The following CTNNA1 variants were observed in gnomAD, a reference collection of about 807,000 sequenced individuals.
CTNNA1 encodes catenin alpha 1, also known as catenin alpha-1.
Under a neutral mutation model 98.4 loss-of-function variants are expected in CTNNA1, and 37 were observed. The observed-to-expected ratio is 0.38, with a 90% CI of 0.29 to 0.49. CTNNA1 has a LOEUF of 0.49. Among genes scored for constraint, CTNNA1 ranks in the 20% least tolerant of loss-of-function variants. CTNNA1 has a pLI of 0.95. For missense variants in CTNNA1, 761 were observed against 1,147.2 expected (o/e 0.66, Z 4.86); for synonymous variants, 404 against 413.2 (o/e 0.98, Z 0.27).
chr5:138,776,679 C>T (rs1476438875), intron 1 of CTNNA1, among the ~76,000 whole-genome samples: 14 of 146,150 alleles, frequency 9.6e-5, no homozygotes, highest in South Asian at 4.4e-4. Context: ...GGGGGCTGAC[C>T]CCCCCACCTC....
Position 138,930,854 on chromosome 5 carries a change from A to G in CTNNA1, c.2217A>G (p.Thr739=), listed in dbSNP as rs963910441. The G allele has an allele frequency of 6.2e-7, 1 of 1,612,708 alleles. No individual in the cohort carries two copies. Among genetic ancestry groups the G allele is most frequent in the Non-Finnish European group, 8.5e-7 (1 of 1,178,716 alleles). The part of the protein sequence containing the change: ...FTRGKGPLKN[T]SDVISAAKKI... The stretch of plus-strand genomic sequence containing the variant: ...GAGGTAAAGGACCACTCAAAAATAC[A>G]TCGGATGTCATCAGTGCTGCCAAGA... The change falls in exon 16 of 18, where the codon ACA becomes ACG. Residue 739 remains threonine, a synonymous_variant. Coordinates refer to ENST00000302763, the MANE Select transcript of CTNNA1 (RefSeq NM_001903.5).
chr5:138,778,877 C>G (rs1042115413), intron 1 of CTNNA1, among the ~76,000 whole-genome samples: 1 of 151,580 alleles, frequency 6.6e-6, no homozygotes, highest in African/African-American at 2.4e-5. Flanking sequence ...GGATCTAGTT[C>G]AAAGTTACGT....
chr5:138,875,086 C>T, intron 7 of CTNNA1: 1 of 577,590 alleles, frequency 1.7e-6, no homozygotes, highest in Non-Finnish European at 3.0e-6. Flanking sequence ...TAGGATATCC[C>T]TCTGGAAAGC....
chr5:138,933,557 G>A (rs1181825537), intron 17 of CTNNA1, among the ~76,000 whole-genome samples: 1 of 152,240 alleles, frequency 6.6e-6, no homozygotes, highest in African/African-American at 2.4e-5. Flanking sequence ...AGGGGTGGGG[G>A]TGAGCAAGGC....
rs1450161592 is a variant in CTNNA1, at chr5:138,825,486, T to TTTTTTTTTTTTG, written c.858+698_858+699insGTTTTTTTTTTT. ...CAGTAGATGGCAGCAGTATAAGTTT[T>TTTTTTTTTTTTG]TTTTTTTTTTTTAGGGCTTTAAAAG... On this transcript the variant is annotated intron_variant, in intron 6 of 17. Coordinates refer to ENST00000302763, the MANE Select transcript of CTNNA1 (RefSeq NM_001903.5). Among the ~76,000 whole-genome samples, 6 of 100,462 alleles carry TTTTTTTTTTTTG rather than the reference T, an allele frequency of 6.0e-5. 1 individual carries two copies. The highest frequency in any genetic ancestry group is 8.3e-5 in the Non-Finnish European group (4 of 48,460). The allele number at this position is 100,462 out of a possible 152,430, so 65.9% of individuals were successfully genotyped here.
chr5:138,869,372 CTCT>C (rs1561614658), intron 7 of CTNNA1: 1 of 141,930 alleles, frequency 7.0e-6, no homozygotes, highest in Admixed American at 7.0e-5. Context: ...CTGTCTCTCT[CTCT>C]TTTTTTTTTT....
chr5:138,826,708 G>A (rs1443632214), intron 6 of CTNNA1, among the ~76,000 whole-genome samples: 1 of 152,200 alleles, frequency 6.6e-6, no homozygotes, highest in Non-Finnish European at 1.5e-5. Context: ...TTGATTAGAT[G>A]TGTAAGATGA....
intron 1 of CTNNA1, among the ~76,000 whole-genome samples, chr5:138,771,889 G>A (rs541061582): frequency 2.6e-5 from 4 of 152,064 alleles, no homozygotes; most frequent in African/African-American, 9.7e-5. Context: ...GCATTTAAAC[G>A]AACCATCCTA....
At chr5:138,782,494 T>G in intron 2 of CTNNA1, 1 of 288,692 alleles carries the variant, frequency 3.5e-6, no homozygotes, top group South Asian at 3.0e-5. Flanking sequence ...CTGTGTACTT[T>G]TAGTGTTTTA....
intron 6 of CTNNA1, among the ~76,000 whole-genome samples, chr5:138,826,564 G>C (rs566785222): frequency 6.6e-6 from 1 of 152,278 alleles, no homozygotes; most frequent in South Asian, 2.1e-4. Flanking sequence ...TCTTATTGGA[G>C]CAGTTCTTCC....
chr5:138,757,034 A>T (rs1454088056), intron 1 of CTNNA1, among the ~76,000 whole-genome samples: 1 of 135,054 alleles, frequency 7.4e-6, no homozygotes, highest in East Asian at 2.0e-4. Context: ...CCCCGCCTCT[A>T]AAAAAAAAAA....
intron 1 of CTNNA1, among the ~76,000 whole-genome samples, chr5:138,776,957 C>T (rs1715115104): frequency 6.8e-6 from 1 of 147,110 alleles, no homozygotes; most frequent in Admixed American, 6.8e-5. Flanking sequence ...GGCTGACTCC[C>T]CCACCTCCCT....
chr5:138,870,994 C>T (rs1294925681), intron 7 of CTNNA1: 1 of 152,078 alleles, frequency 6.6e-6, no homozygotes, highest in African/African-American at 2.4e-5. Flanking sequence ...AATCTGCCCA[C>T]CTTAAAAAAG....
chr5:138,902,785 G>A (rs1758358855), intron 9 of CTNNA1, among the ~76,000 whole-genome samples: 2 of 152,132 alleles, frequency 1.3e-5, no homozygotes, highest in African/African-American at 2.4e-5. Context: ...TTTTATGTTT[G>A]TTGTTCAAAA....
At chr5:138,863,787 T>C (rs1764496415) in intron 7 of CTNNA1, among the ~76,000 whole-genome samples, 1 of 152,158 alleles carries the variant, frequency 6.6e-6, no homozygotes, top group African/African-American at 2.4e-5. Context: ...CCAAAGAATT[T>C]GGAGACTAGG....
At chr5:138,825,924 C>G (rs997990263) in intron 6 of CTNNA1, among the ~76,000 whole-genome samples, 1 of 152,066 alleles carries the variant, frequency 6.6e-6, no homozygotes, top group Non-Finnish European at 1.5e-5. Context: ...AGGTATCTTT[C>G]AGGGTAGTAG....
intron 3 of CTNNA1, 40 bp from the exon 4 acceptor site, chr5:138,809,998 G>A: frequency 6.4e-7 from 1 of 1,567,856 alleles, no homozygotes; most frequent in African/African-American, 1.3e-5. Context: ...AGTTATTTGA[G>A]TTCATTCTTG....
In CTNNA1 at chr5:138,753,577, G is replaced by C. The variant is rs1327970717; in HGVS notation, c.-3+67G>C. ...CCAGGCCGAGAGGGTCCTTGGGCCG[G>C]GCCGTCCCAAGCTGGGCCCCGCGAG... On this transcript the variant is annotated intron_variant, in intron 1 of 17. Coordinates refer to ENST00000302763, the MANE Select transcript of CTNNA1 (RefSeq NM_001903.5). 4.9e-5 allele frequency: 18 copies of C among 365,692 alleles called. No individual in the cohort carries two copies. In the Middle Eastern group the frequency reaches 2.2e-3, roughly 44 times the overall value. The allele number at this position is 365,692 out of a possible 1,614,324, so 22.7% of individuals were successfully genotyped here.
In CTNNA1 at chr5:138,904,336, T is replaced by G. The variant is rs1487862497; in HGVS notation, c.1297-13T>G. 1 of 1,605,600 alleles carries G rather than the reference T, an allele frequency of 6.2e-7. No individual in the cohort carries two copies. The highest frequency in any genetic ancestry group is 1.7e-5 in the Admixed American group (1 of 57,748). On this transcript the variant is annotated splice_polypyrimidine_tract_variant and intron_variant, in intron 9 of 17. Transcript: ENST00000302763. ...AGAGAAAAATCTTTAAAGATTATTT[T>G]TTATGTTTATAGGTTGCCAACTTGG...
Sources: gnomAD v4.1 joint callset for allele counts (sites outside exome capture counted in the v4.1 genomes callset) on GRCh38, gnomAD v4.1.1 for gene constraint, MANE v1.5 for transcripts, NCBI Gene and HGNC (gene_info 2026-07-23, HGNC 2026-07-21) for gene names.